NUP188: variants seen among roughly 807,000 people sequenced by gnomAD.
NUP188 encodes nucleoporin 188, also known as nucleoporin NUP188.
Under a neutral mutation model 223.0 loss-of-function variants are expected in NUP188, and 97 were observed. That is an observed-to-expected ratio of 0.43 (90% confidence interval 0.37 to 0.51). The LOEUF is 0.51. Among genes scored for constraint, NUP188 ranks in the 20% least tolerant of loss-of-function variants. NUP188 has a pLI of 0.00. For missense variants in NUP188, 1,947 were observed against 2,175.6 expected (o/e 0.89, Z 2.09); for synonymous variants, 869 against 828.0 (o/e 1.05, Z -0.85).
intron 15 of NUP188, 45 bp downstream of exon 15, chr9:128,981,435 TGATG>T: frequency 6.7e-7 from 1 of 1,503,734 alleles, no homozygotes; most frequent in Admixed American, 2.0e-5. Flanking sequence ...TTTTTTTTTT[TGATG>T]TCTTGCTCTG....
chr9:128,986,565 T>G lies in NUP188; in HGVS notation c.2084T>G (p.Leu695Arg), dbSNP rs776362120. ...CTGCATGGTTTCTTGTAGGGGCAAC[T>G]TGGTAGTACCCAGAGCCAAGGACTT... is the stretch of plus-strand genomic sequence containing the variant. ...RLITTLVKGQ[L>R]GSTQSQGLVP... Residue 695 changes from leucine to arginine, a missense_variant, in exon 21 of 44, where the codon CTT (leucine) becomes CGT (arginine). Leu to Arg is a moderately radical substitution (Grantham distance 102). Transcript: ENST00000372577. 55 of 1,613,346 alleles carry G rather than the reference T, an allele frequency of 3.4e-5. No homozygotes were observed. Among genetic ancestry groups the G allele is most frequent in the Admixed American group, 1.7e-4 (10 of 59,824 alleles).
chr9:128,991,460 G>T (rs936266169), intron 25 of NUP188, among the ~76,000 whole-genome samples: 2 of 151,806 alleles, frequency 1.3e-5, no homozygotes, highest in African/African-American at 4.8e-5. Flanking sequence ...TTGAAACTGG[G>T]CAACAGAGGT....
chr9:128,964,364 CTTTT>C (rs375961026), intron 8 of NUP188: 155 of 197,956 alleles, frequency 7.8e-4, no homozygotes, highest in South Asian at 1.9e-3. Context: ...CACCTTAATT[CTTTT>C]TTTTTTTTTT....
intron 27 of NUP188, 124 bp downstream of exon 27, chr9:128,993,818 T>C (rs1842471980): frequency 3.8e-6 from 3 of 788,118 alleles, no homozygotes; most frequent in Non-Finnish European, 6.0e-6. Flanking sequence ...CCTGGTTCAA[T>C]ACCTGGGAGT....
intron 19 of NUP188, among the ~76,000 whole-genome samples, chr9:128,984,215 C>T (rs986290059): frequency 1.3e-5 from 2 of 150,524 alleles, no homozygotes; most frequent in Non-Finnish European, 2.9e-5. Context: ...CAACCTCCGC[C>T]TCCCAGGTTC....
chr9:128,968,674 C>T lies in NUP188; in HGVS notation c.754C>T (p.His252Tyr). ...QGFGSRQTNR[H>Y]LVDETMDPFV... is the part of the protein sequence containing the mutation. Reference sequence around the variant, plus strand: ...ATTTGGTAGTAGGCAGACCAATAGGCACCTGGTGGATGAGACTATGGATCC... The same window carrying T: ...ATTTGGTAGTAGGCAGACCAATAGGTACCTGGTGGATGAGACTATGGATCC... Residue 252 changes from histidine to tyrosine, a missense_variant, in exon 9 of 44, where the codon CAC becomes TAC. Coordinates refer to ENST00000372577, the MANE Select transcript of NUP188 (RefSeq NM_015354.3). 3 of 1,614,086 alleles carry T rather than the reference C, an allele frequency of 1.9e-6. No homozygotes were observed. Among genetic ancestry groups the T allele is most frequent in the Non-Finnish European group, 2.5e-6 (3 of 1,179,956 alleles).
At position 128,994,891 on chromosome 9, in the gene NUP188, G is replaced by C. The variant is rs1448843372; in HGVS notation, c.3123G>C (p.Lys1041Asn). 1.9e-6 allele frequency: 3 copies of C among 1,613,888 alleles called. No individual in the cohort carries two copies. The highest frequency in any genetic ancestry group is 2.5e-6 in the Non-Finnish European group (3 of 1,179,768). The change falls in exon 29 of 44, where the codon AAG (lysine) becomes AAC (asparagine). Residue 1041 changes from lysine to asparagine, a missense_variant. This residue lies in a region of NUP188 where 905 missense variants were observed against 990.6 expected (regional missense o/e 0.91). Transcript: ENST00000372577. ...SILETCALIM[K>N]IICLEIYYVV... ...TGGAAACCTGTGCCCTAATCATGAA[G>C]ATAATTTGCTTGGAGATATACTATG...
rs752919119 is a variant in NUP188, at chr9:129,002,023, G to C, written c.4137+47G>C. The stretch of plus-strand genomic sequence containing the variant: ...GGAGGCCCAGCCTGACCACCCTACA[G>C]TTCCAGTTGAAAAGTGTCCTCCCCT... On this transcript the variant is annotated intron_variant, in intron 36 of 43. Coordinates refer to ENST00000372577, the MANE Select transcript of NUP188 (RefSeq NM_015354.3). 1.5e-5 allele frequency: 22 copies of C among 1,489,332 alleles called. No individual in the cohort carries two copies. The South Asian group carries it at 2.5e-4, about 17-fold the overall frequency. The allele number at this position is 1,489,332 out of a possible 1,614,324, so 92.3% of individuals were successfully genotyped here.
chr9:128,990,658 A>G (rs921098148), intron 25 of NUP188, among the ~76,000 whole-genome samples: 2 of 152,128 alleles, frequency 1.3e-5, no homozygotes, highest in African/African-American at 4.8e-5. Flanking sequence ...GAGTCAGGAG[A>G]TCAAGACCAT....
chr9:128,949,552 C>T (rs1025038217), intron 2 of NUP188, among the ~76,000 whole-genome samples: 3 of 151,772 alleles, frequency 2.0e-5, no homozygotes, highest in Non-Finnish European at 4.4e-5. Flanking sequence ...GGCTGGTCTC[C>T]AACTCCCGAC....
intron 30 of NUP188, among the ~76,000 whole-genome samples, chr9:128,995,755 C>T (rs1294323546): frequency 6.6e-6 from 1 of 152,140 alleles, no homozygotes; most frequent in African/African-American, 2.4e-5. Context: ...TTCCTAAAGC[C>T]TCCTGTACCT....
At chr9:128,956,865 G>T in intron 4 of NUP188, 87 bp from the exon 5 acceptor site, 1 of 880,948 alleles carries the variant, frequency 1.1e-6, no homozygotes, top group South Asian at 1.7e-5. Flanking sequence ...CAAGTCCTGT[G>T]TTCATTGTAG....
At chr9:128,976,672 C>CA (rs112017521) in intron 12 of NUP188, among the ~76,000 whole-genome samples, 179 of 122,682 alleles carry the variant, frequency 1.5e-3, no homozygotes, top group Middle Eastern at 8.5e-3. Context: ...ACTTTGTCTC[C>CA]AAAAAAAAAA....
At chr9:128,957,758 C>T (rs920388097) in intron 5 of NUP188, among the ~76,000 whole-genome samples, 3 of 152,168 alleles carry the variant, frequency 2.0e-5, no homozygotes, top group African/African-American at 7.2e-5. Context: ...GCCACCGCAC[C>T]CGGCCAGGAT....
At chr9:128,971,053 C>A in intron 11 of NUP188, 95 bp downstream of exon 11, 1 of 912,080 alleles carries the variant, frequency 1.1e-6, no homozygotes, top group Non-Finnish European at 1.8e-6. Flanking sequence ...ATAATGGGAT[C>A]ATGTTGTAAC....
At chr9:128,996,536 G>A (rs1842529132) in intron 30 of NUP188, among the ~76,000 whole-genome samples, 1 of 152,118 alleles carries the variant, frequency 6.6e-6, no homozygotes, top group South Asian at 2.1e-4. Context: ...GAAATTTGTT[G>A]CCTAGTGCCA....
chr9:128,968,712 G>A lies in NUP188; in HGVS notation c.792G>A (p.Arg264=), dbSNP rs1842066246. The part of the protein sequence containing the change: ...VDETMDPFVD[R]IGYFSALILV... The stretch of plus-strand genomic sequence containing the variant: ...AGACTATGGATCCTTTTGTAGATCG[G>A]ATTGGGTAAGTCAGTGAATTGAACA... Residue 264 remains arginine (R), a synonymous_variant, in exon 9 of 44, where the codon CGG becomes CGA. Transcript: ENST00000372577. 1.2e-6 allele frequency: 2 copies of A among 1,612,132 alleles called. No individual in the cohort carries two copies. The highest frequency in any genetic ancestry group is 2.7e-5 in the African/African-American group (2 of 75,016).
rs1841911182 is a variant in NUP188, at chr9:128,959,194, C to A, written c.585+60C>A. 1.2e-5 allele frequency: 16 copies of A among 1,390,282 alleles called. No homozygotes were observed. The East Asian group carries it at 3.9e-4, about 34-fold the overall frequency. 86.1% of individuals were successfully genotyped at this position (1,390,282 alleles called of 1,614,324 possible). A position where few individuals can be genotyped will look rare whatever the true frequency, so the allele number is the denominator to read the frequency against. On this transcript the variant is annotated intron_variant, in intron 8 of 43. Coordinates refer to ENST00000372577, the MANE Select transcript of NUP188 (RefSeq NM_015354.3). ...TTTTTAAGATGGAGTTTCCCTCTGTCACCCAGGCTGGAGTGCAGTGGCATG... is the reference window on the plus strand; with the variant it reads ...TTTTTAAGATGGAGTTTCCCTCTGTAACCCAGGCTGGAGTGCAGTGGCATG...
At chr9:128,988,491 T>C (rs886601082) in intron 24 of NUP188, among the ~76,000 whole-genome samples, 75 of 152,232 alleles carry the variant, frequency 4.9e-4, no homozygotes, top group African/African-American at 1.7e-3. Context: ...TAAACAACTC[T>C]GCCTCTGATT....
Sources: allele counts gnomAD v4.1 joint callset (sites outside exome capture counted in the v4.1 genomes callset), GRCh38; gene constraint gnomAD v4.1.1; regional missense constraint gnomAD v4.1.1; transcripts MANE v1.5; gene names NCBI Gene and HGNC (gene_info 2026-07-23, HGNC 2026-07-21).